The following GSAP variants were observed in gnomAD, a reference collection of about 807,000 sequenced individuals.
GSAP encodes the protein gamma-secretase-activating protein.
Under a neutral mutation model 131.7 loss-of-function variants are expected in GSAP, and 118 were observed. The ratio of observed to expected loss-of-function variants is 0.90; its 90% CI spans 0.77 to 1.04. The LOEUF is 1.04. Among genes scored for constraint, GSAP ranks in the 50% least tolerant of loss-of-function variants. GSAP has a pLI of 0.00. For missense variants in GSAP, 1,019 were observed against 1,013.2 expected, an observed-to-expected ratio of 1.01 and a Z score of -0.08; for synonymous variants, 381 against 363.4, an observed-to-expected ratio of 1.05 and a Z score of -0.55.
intron 22 of GSAP, chr7:77,326,759 C>T (rs1393902115): frequency 6.5e-6 from 1 of 152,780 alleles, no homozygotes; most frequent in Non-Finnish European, 1.5e-5. Flanking sequence ...AGTTATCAGA[C>T]TACAAAGGTA....
At chr7:77,371,431 C>CTTTTTTT (rs71085450) in intron 12 of GSAP, among the ~76,000 whole-genome samples, 1 of 142,978 alleles carries the variant, frequency 7.0e-6, no homozygotes, top group Non-Finnish European at 1.5e-5. Context: ...CATCTTTTTT[C>CTTTTTTT]TTTTTTTTTT....
At chr7:77,414,844 CTTTTTTTTTTTTTT>C (rs57095326) in intron 1 of GSAP, among the ~76,000 whole-genome samples, 16 of 59,854 alleles carry the variant, frequency 2.7e-4, no homozygotes, top group African/African-American at 3.7e-4. Context: ...ATGTGGGCGA[CTTTTTTTTTTTTTT>C]TTTTTTTTTT....
chr7:77,392,890 C>T (rs1458737930), intron 5 of GSAP, among the ~76,000 whole-genome samples: 1 of 152,038 alleles, frequency 6.6e-6, no homozygotes, highest in East Asian at 1.9e-4. Flanking sequence ...GGCCCCTGAC[C>T]CATATGGTCA....
At chr7:77,339,215 G>C (rs933537223) in intron 19 of GSAP, among the ~76,000 whole-genome samples, 2 of 152,108 alleles carry the variant, frequency 1.3e-5, no homozygotes, top group African/African-American at 2.4e-5. Flanking sequence ...GTTGGGACTT[G>C]GGGGTAGAAG....
At chr7:77,317,011 G>C (rs1795035019) in intron 26 of GSAP, among the ~76,000 whole-genome samples, 1 of 152,084 alleles carries the variant, frequency 6.6e-6, no homozygotes. Context: ...GTCATCATTA[G>C]TCCAATAGGC....
chr7:77,355,787 G>GTTTTTTGTTT, intron 14 of GSAP, 140 bp from the exon 15 acceptor site: 1 of 291,650 alleles, frequency 3.4e-6, no homozygotes, highest in Non-Finnish European at 6.1e-6. Flanking sequence ...ATGACAGCCC[G>GTTTTTTGTTT]TTTTTTTTTT....
At chr7:77,359,182 C>T (rs1467016775) in intron 14 of GSAP, among the ~76,000 whole-genome samples, 1 of 150,288 alleles carries the variant, frequency 6.7e-6, no homozygotes, top group Non-Finnish European at 1.5e-5. Context: ...GCCTGGGAGA[C>T]AGAACAAGAT....
In GSAP at chr7:77,397,364, T is replaced by A; in HGVS notation, c.295A>T (p.Ser99Cys). Residue 99 changes from serine (S) to cysteine (C), a missense_variant, in exon 4 of 31, where the codon AGT becomes TGT. Ser to Cys is a moderately radical substitution (Grantham distance 112). Coordinates refer to ENST00000257626, the MANE Select transcript of GSAP (RefSeq NM_017439.4). ...AACTTACCAAGCAAAGTCCTTTCAC[T>A]GTTGACAGAGCAACTGAAAACTTGC... ...DLQVFSCSVNSERTLLAASLV... is the reference protein window; with the variant it reads ...DLQVFSCSVNCERTLLAASLV... 6.2e-7 allele frequency: 1 copy of A among 1,605,214 alleles called. No individual in the cohort carries two copies. The highest frequency in any genetic ancestry group is 1.1e-5 in the South Asian group (1 of 90,322).
chr7:77,383,730 A>AT (rs1798119842), intron 6 of GSAP, among the ~76,000 whole-genome samples: 1 of 152,162 alleles, frequency 6.6e-6, no homozygotes, highest in African/African-American at 2.4e-5. Context: ...TAAACCAGCC[A>AT]TTTCATTTTG....
At chr7:77,342,762 A>G (rs1403372440) in intron 19 of GSAP, among the ~76,000 whole-genome samples, 1 of 152,204 alleles carries the variant, frequency 6.6e-6, no homozygotes, top group Non-Finnish European at 1.5e-5. Context: ...TAAAGCCTGT[A>G]AACTCTCCTT....
intron 5 of GSAP, among the ~76,000 whole-genome samples, chr7:77,396,398 C>T (rs908468733): frequency 6.6e-6 from 1 of 152,120 alleles, no homozygotes; most frequent in African/African-American, 2.4e-5. Flanking sequence ...AGGGTAGATG[C>T]CTATACCTCT....
At chr7:77,360,743 T>C in intron 14 of GSAP, 81 bp downstream of exon 14, 2 of 730,478 alleles carry the variant, frequency 2.7e-6, no homozygotes, top group Non-Finnish European at 5.0e-6. Context: ...GCATGAGAAA[T>C]GGGATAGTAT....
chr7:77,404,752 G>T (rs966189878), intron 2 of GSAP, 137 bp from the exon 3 acceptor site: 4 of 633,000 alleles, frequency 6.3e-6, no homozygotes, highest in Non-Finnish European at 8.6e-6. Context: ...CTGTCAGAGG[G>T]GGACTGAATC....
At chr7:77,368,703 T>G (rs1282057615) in intron 12 of GSAP, among the ~76,000 whole-genome samples, 1 of 152,236 alleles carries the variant, frequency 6.6e-6, no homozygotes, top group Non-Finnish European at 1.5e-5. Flanking sequence ...TTAAATTATC[T>G]AAGCCTCAGT....
chr7:77,386,215 G>A (rs2151065631), intron 6 of GSAP, among the ~76,000 whole-genome samples: 1 of 152,214 alleles, frequency 6.6e-6, no homozygotes, highest in Admixed American at 6.5e-5. Context: ...ATTTTTAAAA[G>A]AAGACTTATC....
At chr7:77,316,784 C>T (rs1562886246) in intron 26 of GSAP, among the ~76,000 whole-genome samples, 1 of 152,164 alleles carries the variant, frequency 6.6e-6, no homozygotes, top group Non-Finnish European at 1.5e-5. Context: ...CTCTGAGCAA[C>T]AGAGCAAATT....
At chr7:77,355,671 C>G in intron 14 of GSAP, 24 bp from the exon 15 acceptor site, 1 of 1,260,222 alleles carries the variant, frequency 7.9e-7, no homozygotes. Context: ...AGATTTACAT[C>G]ATCTACATGT....
At chr7:77,377,957 G>T (rs1166687967) in intron 8 of GSAP, among the ~76,000 whole-genome samples, 1 of 152,066 alleles carries the variant, frequency 6.6e-6, no homozygotes, top group South Asian at 2.1e-4. Context: ...CATTCTTCAA[G>T]ACCTGACTTA....
At chr7:77,391,676 A>T (rs940275057) in intron 5 of GSAP, among the ~76,000 whole-genome samples, 1 of 151,834 alleles carries the variant, frequency 6.6e-6, no homozygotes, top group Non-Finnish European at 1.5e-5. Flanking sequence ...AATGAAAAAA[A>T]TATTAAGAAC....
Sources: gnomAD v4.1 joint callset for allele counts (sites outside exome capture counted in the v4.1 genomes callset) on GRCh38, gnomAD v4.1.1 for gene constraint, MANE v1.5 for transcripts, NCBI Gene and HGNC (gene_info 2026-07-23, HGNC 2026-07-21) for gene names.